Variants in PAN3 observed in about 807,000 individuals in gnomAD.
PAN3 encodes poly(A) specific ribonuclease subunit PAN3.
Under a neutral mutation model 96.2 loss-of-function variants are expected in PAN3, and 19 were observed. The ratio of observed to expected loss-of-function variants is 0.20; its 90% CI spans 0.14 to 0.29. The LOEUF is 0.29. Ranked by LOEUF, PAN3 falls within the 10% of genes least tolerant of loss-of-function variation. PAN3 has a pLI of 1.00. For synonymous variants in PAN3, 433 were observed against 406.6 expected (o/e 1.06, Z -0.78); for missense variants, 882 against 1,108.1 (o/e 0.80, Z 2.90).
At chr13:28,156,064 C>A (rs1309298680) in intron 1 of PAN3, among the ~76,000 whole-genome samples, 1 of 152,036 alleles carries the variant, frequency 6.6e-6, no homozygotes, top group East Asian at 1.9e-4. Context: ...TAACCAAAAT[C>A]AGAGCTGAAC....
chr13:28,181,909 T>C (rs996348685), intron 4 of PAN3, among the ~76,000 whole-genome samples: 1 of 152,206 alleles, frequency 6.6e-6, no homozygotes, highest in African/African-American at 2.4e-5. Context: ...AATGCCTAAT[T>C]TTATAGAGAG....
intron 5 of PAN3, among the ~76,000 whole-genome samples, chr13:28,203,608 C>T (rs969785974): frequency 6.6e-6 from 1 of 152,096 alleles, no homozygotes; most frequent in Non-Finnish European, 1.5e-5. Flanking sequence ...CACACTGGGT[C>T]TGGCTTTTCT....
At chr13:28,160,990 G>C (rs757607948) in intron 1 of PAN3, among the ~76,000 whole-genome samples, 13 of 152,194 alleles carry the variant, frequency 8.5e-5, no homozygotes, top group Admixed American at 2.6e-4. Flanking sequence ...GAATAGTTTA[G>C]TACTAGGAAA....
At chr13:28,215,592 A>G (rs916762411) in intron 5 of PAN3, 3 of 832,882 alleles carry the variant, frequency 3.6e-6, no homozygotes, top group East Asian at 5.3e-5. Flanking sequence ...CCTTGTACTG[A>G]ATTGCCACAC....
chr13:28,263,681 C>T (rs1885922196), intron 9 of PAN3, among the ~76,000 whole-genome samples: 1 of 152,122 alleles, frequency 6.6e-6, no homozygotes, highest in African/African-American at 2.4e-5. Context: ...GTCATTATCT[C>T]AAGCCACATT....
Position 28,138,642 on chromosome 13 carries a change from A to T in PAN3, c.-16A>T. 1.9e-6 allele frequency: 1 copy of T among 535,372 alleles called. No individual in the cohort carries two copies. Among genetic ancestry groups the T allele is most frequent in the Non-Finnish European group, 3.0e-6 (1 of 335,722 alleles). 33.2% of individuals were successfully genotyped at this position (535,372 alleles called of 1,614,324 possible). On this transcript the variant is annotated 5_prime_UTR_variant, in exon 1 of 19. Transcript: ENST00000380958. ...GCTCCTCGGGCGGCGGCGGAAGACG[A>T]GGCTGCGGCGTTGCCATGAACAGTG...
At chr13:28,259,260 T>G (rs1170762836) in intron 7 of PAN3, among the ~76,000 whole-genome samples, 2 of 151,908 alleles carry the variant, frequency 1.3e-5, no homozygotes, top group Non-Finnish European at 2.9e-5. Flanking sequence ...CCTGAGTAGC[T>G]GGGATTATAG....
chr13:28,138,898 C>G lies in PAN3; in HGVS notation c.241C>G (p.Leu81Val). The change falls in exon 1 of 19, where the codon CTC (leucine) becomes GTC (valine). Residue 81 changes from leucine to valine, a missense_variant. Physicochemically the swap from Leu to Val is conservative, Grantham distance 32. Around this residue, in one of 3 missense-constraint regions of PAN3, gnomAD observed 442 missense variants for 422.8 expected, o/e 1.05. Coordinates refer to ENST00000380958, the MANE Select transcript of PAN3 (RefSeq NM_175854.8). ...CGCCGGGGCTGCCCCGGGCCTCGGC[C>G]TCCATAGCAACAGCGTCCCCCTGGC... ...PAAGAAPGLGLHSNSVPLALA... is the reference protein window; with the variant it reads ...PAAGAAPGLGVHSNSVPLALA... 7.2e-7 allele frequency: 1 copy of G among 1,396,892 alleles called. No individual in the cohort carries two copies. The highest frequency in any genetic ancestry group is 9.3e-7 in the Non-Finnish European group (1 of 1,080,082). The allele number at this position is 1,396,892 out of a possible 1,614,324, so 86.5% of individuals were successfully genotyped here.
intron 6 of PAN3, among the ~76,000 whole-genome samples, chr13:28,245,391 C>CTT (rs541516738): frequency 0.056 from 8,083 of 144,244 alleles, 285 homozygotes; most frequent in South Asian, 0.15. Context: ...AAGTGGGTTC[C>CTT]TTTTTTTTTT....
intron 1 of PAN3, among the ~76,000 whole-genome samples, chr13:28,158,102 A>T (rs540973766): frequency 6.6e-6 from 1 of 152,340 alleles, no homozygotes; most frequent in South Asian, 2.1e-4. Context: ...TGGGGAAAGG[A>T]GTTCCTGTTC....
chr13:28,256,600 G>A (rs1885163295), intron 7 of PAN3, 61 bp downstream of exon 7: 1 of 1,514,062 alleles, frequency 6.6e-7, no homozygotes, highest in Non-Finnish European at 8.9e-7. Context: ...TCTTAGTTGT[G>A]AGGCGGTCTA....
Position 28,267,210 on chromosome 13 carries a change from C to A in PAN3, c.1689C>A (p.Pro563=), listed in dbSNP as rs763018567. 3.4e-5 allele frequency: 55 copies of A among 1,612,430 alleles called. No individual in the cohort carries two copies. Among genetic ancestry groups the A allele is most frequent in the Non-Finnish European group, 4.7e-5 (55 of 1,178,696 alleles). Reference sequence around the variant, plus strand: ...TTACCACTAAAGCATTTGCTGAGCCCTGTGAGTAACTTGTAATTTGTCTTT... The same window carrying A: ...TTACCACTAAAGCATTTGCTGAGCCATGTGAGTAACTTGTAATTTGTCTTT... ...EVFTTKAFAE[P]SLVFAYDFHA... Residue 563 remains proline, a splice_region_variant and synonymous_variant, in exon 11 of 19, where the codon CCC becomes CCA. Coordinates refer to ENST00000380958, the MANE Select transcript of PAN3 (RefSeq NM_175854.8).
intron 5 of PAN3, among the ~76,000 whole-genome samples, chr13:28,206,791 C>A (rs1168164672): frequency 6.6e-6 from 1 of 150,972 alleles, no homozygotes; most frequent in Non-Finnish European, 1.5e-5. Context: ...AAGAACTCTG[C>A]CAAGCTCTGT....
At chr13:28,191,171 A>G (rs1489179255) in intron 4 of PAN3, among the ~76,000 whole-genome samples, 2 of 152,206 alleles carry the variant, frequency 1.3e-5, no homozygotes, top group African/African-American at 4.8e-5. Context: ...AAAAAACTTT[A>G]GTAAATAAAT....
In PAN3 at chr13:28,293,387, G is replaced by GTTTTTTTTTTTTTTTTTTTTTTTT. The variant is rs71086844; in HGVS notation, c.*871_*894dup. The GTTTTTTTTTTTTTTTTTTTTTTTT allele has an allele frequency of 9.4e-5, 2 of 21,356 alleles. 1 individual carries two copies. Among genetic ancestry groups the GTTTTTTTTTTTTTTTTTTTTTTTT allele is most frequent in the African/African-American group, 4.0e-4 (2 of 4,970 alleles). The allele number at this position is 21,356 out of a possible 1,614,324, so 1.3% of individuals were successfully genotyped here. ...ACTTTAGGTTCTTTCCAGTTTGCTG[G>GTTTTTTTTTTTTTTTTTTTTTTTT]TTTTTTTTTTTTTTTTTTTTTTTTT... On this transcript the variant is annotated 3_prime_UTR_variant, in exon 19 of 19. Transcript: ENST00000380958.
intron 1 of PAN3, among the ~76,000 whole-genome samples, chr13:28,153,936 T>C (rs922383570): frequency 2.6e-5 from 4 of 152,230 alleles, no homozygotes; most frequent in Non-Finnish European, 4.4e-5. Flanking sequence ...TCTAGCCGCA[T>C]TACTAGAAAA....
intron 9 of PAN3, among the ~76,000 whole-genome samples, chr13:28,266,381 A>G (rs1886178921): frequency 1.3e-5 from 2 of 152,208 alleles, no homozygotes; most frequent in Non-Finnish European, 2.9e-5. Context: ...ACCTGATAAA[A>G]TGTTTGCTCC....
intron 6 of PAN3, among the ~76,000 whole-genome samples, chr13:28,244,362 A>T (rs1481457297): frequency 6.6e-6 from 1 of 152,200 alleles, no homozygotes; most frequent in East Asian, 1.9e-4. Context: ...CTGAATATTC[A>T]TGTGAAATTT....
chr13:28,138,884 C>CCCCGGGCCTCGGCCT lies in PAN3; in HGVS notation c.230_244dup (p.Pro77_Leu81dup). The stretch of plus-strand genomic sequence containing the variant: ...CATGAGGACCCTGCCGCCGGGGCTG[C>CCCCGGGCCTCGGCCT]CCCGGGCCTCGGCCTCCATAGCAAC... On this transcript the variant is annotated inframe_insertion, in exon 1 of 19. Coordinates refer to ENST00000380958, the MANE Select transcript of PAN3 (RefSeq NM_175854.8). 1 of 1,411,166 alleles carries CCCCGGGCCTCGGCCT rather than the reference C, an allele frequency of 7.1e-7. No individual in the cohort carries two copies. Among genetic ancestry groups the CCCCGGGCCTCGGCCT allele is most frequent in the Non-Finnish European group, 9.2e-7 (1 of 1,086,932 alleles). The allele number at this position is 1,411,166 out of a possible 1,614,324, so 87.4% of individuals were successfully genotyped here. A position where few individuals can be genotyped will look rare whatever the true frequency, so the allele number is the denominator to read the frequency against.
Sources: gnomAD v4.1 joint callset for allele counts (sites outside exome capture counted in the v4.1 genomes callset) on GRCh38, gnomAD v4.1.1 for gene constraint, gnomAD v4.1.1 regional missense constraint, MANE v1.5 for transcripts, NCBI Gene and HGNC (gene_info 2026-07-23, HGNC 2026-07-21) for gene names.